Variants in PSG11 observed in about 807,000 individuals in gnomAD.
The protein encoded by PSG11 is pregnancy-specific beta-1-glycoprotein 11.
A neutral mutation model predicts 36.0 loss-of-function variants in PSG11; 42 were observed. The ratio of observed to expected loss-of-function variants is 1.17; its 90% CI spans 0.91 to 1.51. The LOEUF (loss-of-function observed/expected upper bound fraction) is 1.51, where lower values mean the gene tolerates loss of function less well. Among genes scored for constraint, PSG11 ranks in the 40% most tolerant of loss-of-function variants. The probability of loss-of-function intolerance (pLI) is 0.00; values close to 1 mark genes in which losing one functional copy is unlikely to be tolerated. For synonymous variants in PSG11, 206 were observed against 153.5 expected (o/e 1.34, Z -2.53); for missense variants, 558 against 403.5 (o/e 1.38, Z -3.28).
rs901268997 is a variant in PSG11, at chr19:43,017,732, G to A, written c.709+1038C>T. Reference sequence around the variant, plus strand: ...CTTTCTAACAATATTGATTCTTCCAGTCCATGAAAATGAAGTGTCTTTCCA... The same window carrying A: ...CTTTCTAACAATATTGATTCTTCCAATCCATGAAAATGAAGTGTCTTTCCA... On this transcript the variant is annotated intron_variant, in intron 3 of 5. Coordinates refer to ENST00000320078, the MANE Select transcript of PSG11 (RefSeq NM_002785.3). 3.3e-5 allele frequency: 5 copies of A among 151,388 alleles called. 1 individual carries two copies. The highest frequency in any genetic ancestry group is 1.3e-4 in the Admixed American group (2 of 15,168). 9.4% of individuals were successfully genotyped at this position (151,388 alleles called of 1,614,324 possible). A position where few individuals can be genotyped will look rare whatever the true frequency, so the allele number is the denominator to read the frequency against.
At chr19:43,014,945 A>T in intron 4 of PSG11, 171 bp downstream of exon 4, 1 of 1,492,126 alleles carries the variant, frequency 6.7e-7, no homozygotes, top group Non-Finnish European at 9.0e-7. Context: ...CAGAAAAAAA[A>T]GGAGAAGAGA....
Position 43,015,160 on chromosome 19 carries a change from G to A in PSG11, c.920C>T (p.Ala307Val), listed in dbSNP as rs530268787. 5.6e-6 allele frequency: 9 copies of A among 1,611,958 alleles called. 1 individual carries two copies. In the East Asian group the frequency reaches 1.8e-4, roughly 32 times the overall value. The change falls in exon 4 of 6, where the codon GCC (alanine) becomes GTC (valine). Residue 307 changes from alanine to valine, a missense_variant. Ala to Val is a moderately conservative substitution (Grantham distance 64). Coordinates refer to ENST00000320078, the MANE Select transcript of PSG11 (RefSeq NM_002785.3). ...GLYACSARNS[A>V]TGEESSTSLT... ...GGATGTGGAGCTTTCCTCGCCAGTG[G>A]CTGAGTTACGAGCAGAGCAAGCATA... is the stretch of plus-strand genomic sequence containing the variant.
In PSG11 at chr19:43,010,120, C is replaced by A. The variant is rs867378860; in HGVS notation, c.965-79G>T. 538 of 1,541,072 alleles carry A rather than the reference C, an allele frequency of 3.5e-4. 17 individuals are homozygous for A. The Middle Eastern group carries it at 8.6e-3, about 25-fold the overall frequency. ...GGGAGCGTCAGGAACAAGCATGTAA[C>A]ATGAGATACTGTATAATTGTTTCTT... is the stretch of plus-strand genomic sequence containing the variant. On this transcript the variant is annotated intron_variant, in intron 4 of 5. Transcript: ENST00000320078.
intron 4 of PSG11, among the ~76,000 whole-genome samples, chr19:43,013,768 T>C (rs977282490): frequency 7.3e-5 from 11 of 151,424 alleles, no homozygotes; most frequent in African/African-American, 2.7e-4. Flanking sequence ...ATTCCACTTC[T>C]GGACATACTC....
rs577659017 is a variant in PSG11, at chr19:43,010,292, G to A, written c.965-251C>T. 314 of 1,481,648 alleles carry A rather than the reference G, an allele frequency of 2.1e-4. 6 individuals are homozygous for A. The African/African-American group carries it at 3.5e-3, about 16-fold the overall frequency. 91.8% of individuals were successfully genotyped at this position (1,481,648 alleles called of 1,614,324 possible). On this transcript the variant is annotated intron_variant, in intron 4 of 5. Transcript: ENST00000320078. The stretch of plus-strand genomic sequence containing the variant: ...CAGGTATTTTGGAAGGCTTTCAGAC[G>A]TGAGAAAGGCTGATTGCTATTTTCT...
chr19:43,013,054 A>T (rs1335581062), intron 4 of PSG11, among the ~76,000 whole-genome samples: 2 of 151,548 alleles, frequency 1.3e-5, no homozygotes, highest in South Asian at 4.2e-4. Flanking sequence ...ACCAAATGGT[A>T]TTGGGAAAGC....
intron 3 of PSG11, chr19:43,016,015 T>G (rs768492616): frequency 3.1e-6 from 5 of 1,610,186 alleles, no homozygotes; most frequent in Non-Finnish European, 4.2e-6. Flanking sequence ...GTTTAAGTTG[T>G]TGATGGTGAT....
Position 43,026,384 on chromosome 19 carries a change from C to T in PSG11, c.-12G>A, listed in dbSNP as rs1211384422. On this transcript the variant is annotated 5_prime_UTR_variant, in exon 1 of 6. Transcript: ENST00000320078. ...GAGAGGGGCCCCATGATCTCTGCTGCGTGCATGTTCTCCTCTGTGGAGATG... is the reference window on the plus strand; with the variant it reads ...GAGAGGGGCCCCATGATCTCTGCTGTGTGCATGTTCTCCTCTGTGGAGATG... The T allele has an allele frequency of 3.1e-5, 50 of 1,608,174 alleles. 1 individual carries two copies. Among genetic ancestry groups the T allele is most frequent in the African/African-American group, 5.4e-5 (4 of 74,154 alleles).
intron 2 of PSG11, 95 bp downstream of exon 2, chr19:43,024,596 G>A: frequency 3.1e-6 from 5 of 1,594,698 alleles, no homozygotes; most frequent in Non-Finnish European, 4.3e-6. Flanking sequence ...ATGCAGAGAG[G>A]GACACAGGCA....
chr19:43,025,800 C>T (rs894101123), intron 1 of PSG11, among the ~76,000 whole-genome samples: 4 of 150,120 alleles, frequency 2.7e-5, no homozygotes, highest in African/African-American at 9.9e-5. Context: ...ATCAGGAAAA[C>T]AGAACACCTG....
intron 3 of PSG11, chr19:43,018,311 G>A (rs905526305): frequency 8.3e-6 from 2 of 241,776 alleles, no homozygotes; most frequent in Non-Finnish European, 1.6e-5. Flanking sequence ...AGAGCTTGGG[G>A]ACTTCCCCTG....
At chr19:43,023,016 G>A (rs1255215803) in intron 2 of PSG11, among the ~76,000 whole-genome samples, 1 of 150,802 alleles carries the variant, frequency 6.6e-6, no homozygotes, top group Non-Finnish European at 1.5e-5. Context: ...GAGAGAGGCA[G>A]AGACACCATG....
At chr19:43,008,697 T>G (rs1396938857) in intron 5 of PSG11, among the ~76,000 whole-genome samples, 1 of 151,412 alleles carries the variant, frequency 6.6e-6, no homozygotes, top group African/African-American at 2.4e-5. Context: ...GGCTTTTCCA[T>G]TCAGCTTCTG....
At chr19:43,016,487 G>A (rs1599673797) in intron 3 of PSG11, among the ~76,000 whole-genome samples, 1 of 151,214 alleles carries the variant, frequency 6.6e-6, no homozygotes, top group East Asian at 1.9e-4. Context: ...CTAGAGATCA[G>A]TAATAATGGG....
intron 2 of PSG11, chr19:43,024,430 A>G: frequency 3.5e-6 from 2 of 575,924 alleles, no homozygotes; most frequent in Non-Finnish European, 6.1e-6. Flanking sequence ...CTTGGCTGAG[A>G]CTGATCTCCT....
At chr19:43,011,072 C>T (rs1365127267) in intron 4 of PSG11, among the ~76,000 whole-genome samples, 1 of 151,042 alleles carries the variant, frequency 6.6e-6, no homozygotes, top group Non-Finnish European at 1.5e-5. Context: ...GCTGTAAAAA[C>T]TTTCCTGGTG....
chr19:43,023,491 C>G (rs1441578557), intron 2 of PSG11, among the ~76,000 whole-genome samples: 1 of 150,932 alleles, frequency 6.6e-6, no homozygotes, highest in Non-Finnish European at 1.5e-5. Flanking sequence ...GAGGGGGAGG[C>G]CTGGACATTT....
In PSG11 at chr19:43,026,363, G is replaced by A. The variant is rs1967256906; in HGVS notation, c.10C>T (p.Leu4Phe). Residue 4 changes from leucine to phenylalanine, a missense_variant, in exon 1 of 6, where the codon CTC becomes TTC. By Grantham distance (22) the Leu-to-Phe change is conservative (BLOSUM62 0). Coordinates refer to ENST00000320078, the MANE Select transcript of PSG11 (RefSeq NM_002785.3). ...TGCTCTGTGCAGGGAGGGGCTGAGA[G>A]GGGCCCCATGATCTCTGCTGCGTGC... The part of the protein sequence containing the change: MGP[L>F]SAPPCTEHIK... 9.3e-6 allele frequency: 15 copies of A among 1,610,278 alleles called. No homozygotes were observed. Among genetic ancestry groups the A allele is most frequent in the Admixed American group, 6.7e-5 (4 of 59,792 alleles).
chr19:43,015,925 C>A (rs1217422541), intron 3 of PSG11: 10 of 1,609,910 alleles, frequency 6.2e-6, no homozygotes, highest in East Asian at 2.2e-5. Context: ...GAGGCTCTGA[C>A]AATTTAGCCA....
Sources: gnomAD v4.1 joint callset for allele counts (sites outside exome capture counted in the v4.1 genomes callset) on GRCh38, gnomAD v4.1.1 for gene constraint, MANE v1.5 for transcripts, NCBI Gene and HGNC (gene_info 2026-07-23, HGNC 2026-07-21) for gene names.